FAM135A: variants seen among roughly 807,000 people sequenced by gnomAD.
The protein encoded by FAM135A is family with sequence similarity 135 member A, also known as protein FAM135A.
FAM135A carries 79 observed loss-of-function variants against 146.8 expected under a neutral mutation model. That is an observed-to-expected ratio of 0.54 (90% CI 0.45 to 0.65). The LOEUF is 0.65. Among genes scored for constraint, FAM135A ranks in the 30% least tolerant of loss-of-function variants. FAM135A has a pLI of 0.00. For synonymous variants in FAM135A, 562 were observed against 603.6 expected, an observed-to-expected ratio of 0.93 and a Z score of 1.01; for missense variants, 1,623 against 1,758.2, an observed-to-expected ratio of 0.92 and a Z score of 1.38.
At chr6:70,554,278 A>G (rs1436867650) in intron 20 of FAM135A, among the ~76,000 whole-genome samples, 2 of 152,206 alleles carry the variant, frequency 1.3e-5, no homozygotes, top group Non-Finnish European at 2.9e-5. Context: ...CTTTATTTGG[A>G]CTTACTTGGA....
At chr6:70,511,210 T>G (rs1319950640) in intron 12 of FAM135A, among the ~76,000 whole-genome samples, 1 of 151,990 alleles carries the variant, frequency 6.6e-6, no homozygotes, top group African/African-American at 2.4e-5. Flanking sequence ...TTGCAAATGT[T>G]TTCTTCTATT....
intron 19 of FAM135A, among the ~76,000 whole-genome samples, chr6:70,537,810 T>G (rs891863399): frequency 5.3e-5 from 8 of 152,198 alleles, no homozygotes; most frequent in Admixed American, 2.6e-4. Flanking sequence ...ACAAATGATA[T>G]TCAGCTGTTA....
intron 4 of FAM135A, among the ~76,000 whole-genome samples, chr6:70,441,329 T>A (rs888713978): frequency 1.3e-5 from 2 of 152,042 alleles, no homozygotes; most frequent in African/African-American, 4.8e-5. Context: ...TGGAGGTTGC[T>A]GTAAGCTGAG....
At chr6:70,528,237 T>C (rs1261941372) in intron 15 of FAM135A, 55 bp from the exon 16 acceptor site, 3 of 1,504,074 alleles carry the variant, frequency 2.0e-6, no homozygotes, top group Non-Finnish European at 2.7e-6. Context: ...TTCAGGAGGG[T>C]TCTAACAACT....
At chr6:70,489,333 A>G (rs1785376008) in intron 10 of FAM135A, among the ~76,000 whole-genome samples, 1 of 152,170 alleles carries the variant, frequency 6.6e-6, no homozygotes. Context: ...AAATTTCTTT[A>G]GTTACCAACA....
chr6:70,512,440 T>TG (rs1386820658), intron 12 of FAM135A, among the ~76,000 whole-genome samples: 1 of 151,864 alleles, frequency 6.6e-6, no homozygotes, highest in Non-Finnish European at 1.5e-5. Flanking sequence ...AAAATCATTT[T>TG]TTTTTCCAAA....
At chr6:70,447,105 A>G (rs573310048) in intron 4 of FAM135A, among the ~76,000 whole-genome samples, 73 of 152,368 alleles carry the variant, frequency 4.8e-4, no homozygotes, top group African/African-American at 1.6e-3. Context: ...CCACGTGGAC[A>G]GTCAGTGCTG....
chr6:70,476,363 G>A (rs1482278882), intron 7 of FAM135A, among the ~76,000 whole-genome samples: 1 of 152,104 alleles, frequency 6.6e-6, no homozygotes, highest in Non-Finnish European at 1.5e-5. Flanking sequence ...TCTCAAAAAT[G>A]ATATATAAAT....
At chr6:70,427,259 C>T (rs959721071) in intron 3 of FAM135A, among the ~76,000 whole-genome samples, 12 of 151,994 alleles carry the variant, frequency 7.9e-5, no homozygotes, top group African/African-American at 2.4e-4. Context: ...TGGCCGGGGG[C>T]GGTGGTTCAT....
At position 70,524,055 on chromosome 6, in the gene FAM135A, T is replaced by A. The variant is rs758637409; in HGVS notation, c.1192T>A (p.Leu398Ile). 3 of 1,612,780 alleles carry A rather than the reference T, an allele frequency of 1.9e-6. No homozygotes were observed. The highest frequency in any genetic ancestry group is 2.5e-6 in the Non-Finnish European group (3 of 1,179,396). Residue 398 changes from leucine to isoleucine, a missense_variant, in exon 14 of 22, where the codon TTA becomes ATA. Around this residue, in one of 7 missense-constraint regions of FAM135A, gnomAD observed 1,061 missense variants for 1,113.8 expected, o/e 0.95. Coordinates refer to ENST00000418814, the MANE Select transcript of FAM135A (RefSeq NM_001162529.3). ...ACCCTTACCTATTGAATGTAGTGAATTAGATGGAGATCTCAATTCATTACC... is the reference window on the plus strand; with the variant it reads ...ACCCTTACCTATTGAATGTAGTGAAATAGATGGAGATCTCAATTCATTACC... ...LPPLPIECSE[L>I]DGDLNSLPII... is the part of the protein sequence containing the mutation.
At chr6:70,539,181 G>A (rs1010001746) in intron 20 of FAM135A, among the ~76,000 whole-genome samples, 24 of 151,822 alleles carry the variant, frequency 1.6e-4, no homozygotes, top group African/African-American at 4.4e-4. Context: ...TATTTTCTTC[G>A]AAGAATGTTA....
intron 5 of FAM135A, among the ~76,000 whole-genome samples, chr6:70,461,542 T>C (rs1388374393): frequency 6.6e-6 from 1 of 152,344 alleles, no homozygotes; most frequent in East Asian, 1.9e-4. Context: ...TAGGATAACA[T>C]TTCATGTTAA....
intron 5 of FAM135A, among the ~76,000 whole-genome samples, chr6:70,458,215 A>G (rs1008555493): frequency 6.6e-6 from 1 of 152,166 alleles, no homozygotes; most frequent in Non-Finnish European, 1.5e-5. Flanking sequence ...AATAGCAAGC[A>G]CAAGAACCAA....
intron 4 of FAM135A, among the ~76,000 whole-genome samples, chr6:70,450,105 A>G (rs1776700577): frequency 6.6e-6 from 1 of 151,890 alleles, no homozygotes; most frequent in Non-Finnish European, 1.5e-5. Flanking sequence ...TAATTTGGTT[A>G]TTTGTTTTCT....
At position 70,556,737 on chromosome 6, in the gene FAM135A, A is replaced by G. The variant is rs751325691; in HGVS notation, c.4229-13A>G. The G allele has an allele frequency of 6.5e-7, 1 of 1,544,858 alleles. No individual in the cohort carries two copies. The highest frequency in any genetic ancestry group is 1.2e-5 in the South Asian group (1 of 83,862). On this transcript the variant is annotated splice_polypyrimidine_tract_variant and intron_variant, in intron 20 of 21. Transcript: ENST00000418814. ...TAACTACTGCATTATAATTTATTATATTCTATTCACAGGGCTTCATTATTT... is the reference window on the plus strand; with the variant it reads ...TAACTACTGCATTATAATTTATTATGTTCTATTCACAGGGCTTCATTATTT...
At chr6:70,418,656 T>C (rs1768071715) in intron 2 of FAM135A, among the ~76,000 whole-genome samples, 3 of 152,336 alleles carry the variant, frequency 2.0e-5, no homozygotes, top group African/African-American at 7.2e-5. Flanking sequence ...ATCCAGTGAC[T>C]GAGCATGTTT....
At chr6:70,441,570 A>G (rs982096677) in intron 4 of FAM135A, among the ~76,000 whole-genome samples, 5 of 152,182 alleles carry the variant, frequency 3.3e-5, no homozygotes, top group Admixed American at 1.3e-4. Flanking sequence ...GAGTCAGCCA[A>G]GGAGCCCTGG....
chr6:70,458,809 A>G (rs559749161), intron 5 of FAM135A, among the ~76,000 whole-genome samples: 75 of 152,186 alleles, frequency 4.9e-4, no homozygotes, highest in African/African-American at 1.8e-3. Context: ...CTGAAAAAAC[A>G]AGGCAAAGAA....
chr6:70,481,673 G>A (rs1783730944), intron 9 of FAM135A, among the ~76,000 whole-genome samples: 1 of 150,026 alleles, frequency 6.7e-6, no homozygotes, highest in Non-Finnish European at 1.5e-5. Context: ...AGTGGTACAA[G>A]TACAGCTATT....
Sources: gnomAD v4.1 joint callset for allele counts (sites outside exome capture counted in the v4.1 genomes callset) on GRCh38, gnomAD v4.1.1 for gene constraint, gnomAD v4.1.1 regional missense constraint, MANE v1.5 for transcripts, NCBI Gene and HGNC (gene_info 2026-07-23, HGNC 2026-07-21) for gene names.